The following DRC9 variants were observed in gnomAD, a reference collection of about 807,000 sequenced individuals.
The protein encoded by DRC9 is dynein regulatory complex protein 9.
At chr3:197,892,499 C>T in the DRC9 span, 1 of 1,179,860 alleles carries the variant, frequency 8.5e-7, no homozygotes, top group African/African-American at 1.5e-5. Context: ...GCCACTCCTT[C>T]CTCGGTGAGC....
the DRC9 span, among the ~76,000 whole-genome samples, chr3:197,946,298 G>A: frequency 1.3e-5 from 2 of 151,974 alleles, no homozygotes; most frequent in African/African-American, 4.8e-5. Flanking sequence ...AGCCGGGCGT[G>A]GTGGCGGGTG....
the DRC9 span, chr3:197,950,565 A>G: frequency 3.0e-6 from 1 of 331,364 alleles, no homozygotes; most frequent in Non-Finnish European, 5.5e-6. Flanking sequence ...CTCTTTCCTC[A>G]GCTTTTCTCC....
At chr3:197,929,192 GCCTTTC>G in the DRC9 span, among the ~76,000 whole-genome samples, 9 of 152,220 alleles carry the variant, frequency 5.9e-5, no homozygotes, top group African/African-American at 2.2e-4. The surrounding 1 kb of genome is among the most constrained non-coding windows in gnomAD (Gnocchi z 4.6). Flanking sequence ...AGTTTCCCCA[GCCTTTC>G]CCTGGCTAGC....
chr3:197,913,746 A>G, the DRC9 span: 4 of 934,788 alleles, frequency 4.3e-6, no homozygotes, highest in Admixed American at 1.7e-5. Flanking sequence ...TTTATTTTCA[A>G]CCTCAAGTGG....
At chr3:197,957,061 A>G in the DRC9 span, 2 of 152,214 alleles carry the variant, frequency 1.3e-5, no homozygotes, top group African/African-American at 4.8e-5. Flanking sequence ...CTGGAAATGT[A>G]TTAGGATAAG....
the DRC9 span, among the ~76,000 whole-genome samples, chr3:197,894,348 A>T: frequency 2.0e-5 from 3 of 152,232 alleles, no homozygotes; most frequent in Admixed American, 2.0e-4. Flanking sequence ...ATATATATTT[A>T]CATATAAAGT....
chr3:197,916,992 C>T, the DRC9 span, among the ~76,000 whole-genome samples: 1 of 152,142 alleles, frequency 6.6e-6, no homozygotes, highest in Non-Finnish European at 1.5e-5. Context: ...GGCCTGCGGG[C>T]TACAGGTTGG....
At chr3:197,943,859 A>C in the DRC9 span, 1 of 1,614,090 alleles carries the variant, frequency 6.2e-7, no homozygotes, top group Non-Finnish European at 8.5e-7. Context: ...TGTCCTCCAG[A>C]ACTGCCGAGA....
the DRC9 span, among the ~76,000 whole-genome samples, chr3:197,947,585 C>T: frequency 6.6e-6 from 1 of 152,200 alleles, no homozygotes; most frequent in Admixed American, 6.5e-5. Flanking sequence ...CTTCCCTCAC[C>T]TTTTCACCGT....
the DRC9 span, among the ~76,000 whole-genome samples, chr3:197,895,394 T>G: frequency 6.6e-6 from 1 of 152,270 alleles, no homozygotes; most frequent in Admixed American, 6.5e-5. Context: ...CTCAGCCTTC[T>G]CAGCAGCTGG....
the DRC9 span, chr3:197,956,031 C>A: frequency 2.1e-6 from 1 of 466,934 alleles, no homozygotes; most frequent in Non-Finnish European, 3.9e-6. Context: ...TGTAGTGGTG[C>A]TCGCTGCAGC....
chr3:197,917,515 T>C, the DRC9 span, among the ~76,000 whole-genome samples: 1 of 152,210 alleles, frequency 6.6e-6, no homozygotes, highest in Non-Finnish European at 1.5e-5. Context: ...TTTCATATTC[T>C]CTTACAAGTT....
the DRC9 span, among the ~76,000 whole-genome samples, chr3:197,907,710 T>C: frequency 4.0e-5 from 6 of 150,582 alleles, no homozygotes; most frequent in East Asian, 1.2e-3. Flanking sequence ...GTCTGAAGAG[T>C]GAGCCGTTTC....
chr3:197,900,223 T>C, the DRC9 span, among the ~76,000 whole-genome samples: 5 of 152,172 alleles, frequency 3.3e-5, no homozygotes, highest in Non-Finnish European at 7.3e-5. The surrounding 1 kb of genome is among the most constrained non-coding windows in gnomAD (Gnocchi z 4.7). Context: ...CTACAACCCT[T>C]ACGCAAGCCC....
the DRC9 span, among the ~76,000 whole-genome samples, chr3:197,931,490 AAAAC>A: frequency 0.25 from 37,504 of 151,748 alleles, 5,751 homozygotes; most frequent in African/African-American, 0.45. Context: ...TCAAAAAAAC[AAAAC>A]AAACAAACAA....
At chr3:197,934,962 C>A in the DRC9 span, among the ~76,000 whole-genome samples, 1 of 151,708 alleles carries the variant, frequency 6.6e-6, no homozygotes, top group Non-Finnish European at 1.5e-5. Flanking sequence ...CAGAGTGAGA[C>A]CCTGTCTCAA....
At chr3:197,891,561 C>G in the DRC9 span, 3 of 1,401,364 alleles carry the variant, frequency 2.1e-6, no homozygotes, top group Admixed American at 3.4e-5. Flanking sequence ...CAAAGATAGA[C>G]ATTCATCATT....
chr3:197,942,924 C>T, the DRC9 span, among the ~76,000 whole-genome samples: 2 of 149,192 alleles, frequency 1.3e-5, no homozygotes, highest in African/African-American at 4.9e-5. Context: ...ATCTTCTGAA[C>T]AAGTTATATA....
At chr3:197,893,485 T>G in the DRC9 span, among the ~76,000 whole-genome samples, 1 of 151,660 alleles carries the variant, frequency 6.6e-6, no homozygotes, top group Non-Finnish European at 1.5e-5. Flanking sequence ...GCATCGGATC[T>G]CTCTTTGATT....
Sources: allele counts gnomAD v4.1 joint callset (sites outside exome capture counted in the v4.1 genomes callset), GRCh38; gene constraint gnomAD v4.1.1; non-coding constraint Gnocchi (gnomAD v3.1); transcripts MANE v1.5; gene names NCBI Gene and HGNC (gene_info 2026-07-23, HGNC 2026-07-21).